The following ROBO2 variants were observed in gnomAD, a reference collection of about 807,000 sequenced individuals.
ROBO2 encodes roundabout guidance receptor 2, also known as roundabout homolog 2.
A neutral mutation model predicts 160.8 loss-of-function variants in ROBO2; 53 were observed. That is an observed-to-expected ratio of 0.33 (90% confidence interval 0.26 to 0.41). ROBO2 has a LOEUF of 0.41. Among genes scored for constraint, ROBO2 ranks in the 10% least tolerant of loss-of-function variants. The pLI, the probability that ROBO2 is intolerant of heterozygous loss-of-function variation, is 1.00. For missense variants in ROBO2, 1,577 were observed against 1,722.4 expected, an observed-to-expected ratio of 0.92 and a Z score of 1.49; for synonymous variants, 664 against 611.7, an observed-to-expected ratio of 1.09 and a Z score of -1.26.
chr3:77,473,866 A>C (rs2153582250), intron 2 of ROBO2, among the ~76,000 whole-genome samples: 1 of 152,218 alleles, frequency 6.6e-6, no homozygotes, highest in Admixed American at 6.5e-5. Context: ...TAGCTCCTAT[A>C]GCAGCACTTG....
intron 2 of ROBO2, among the ~76,000 whole-genome samples, chr3:76,888,451 A>G (rs566975272): frequency 9.2e-5 from 14 of 152,124 alleles, no homozygotes; most frequent in African/African-American, 2.9e-4. Flanking sequence ...TATTTTTCCA[A>G]CTTGCTTACT....
chr3:77,108,233 T>A (rs1272142838), intron 2 of ROBO2, among the ~76,000 whole-genome samples: 1 of 150,120 alleles, frequency 6.7e-6, no homozygotes, highest in Non-Finnish European at 1.5e-5. Context: ...CATATGCATA[T>A]ATATGTATAC....
chr3:77,534,992 C>T (rs1353188050), intron 6 of ROBO2, among the ~76,000 whole-genome samples: 1 of 152,124 alleles, frequency 6.6e-6, no homozygotes, highest in Non-Finnish European at 1.5e-5. Context: ...GATTAAGCAA[C>T]ATTAATGGTA....
intron 1 of ROBO2, among the ~76,000 whole-genome samples, chr3:77,069,385 C>T (rs2067179028): frequency 6.6e-6 from 1 of 152,092 alleles, no homozygotes; most frequent in African/African-American, 2.4e-5. Context: ...TCTTCATAAT[C>T]ATGTGGGAGA....
In ROBO2 at chr3:77,444,197, G is replaced by A. The variant is rs184687110; in HGVS notation, c.389-33217G>A. On this transcript the variant is annotated intron_variant, in intron 2 of 25. Coordinates refer to ENST00000461745, the Ensembl canonical transcript of ROBO2. ...ATTAAGATTTTCTCTTACTAAACAT[G>A]TATTTGCATAAATAAATGTAGGTTC... Among the ~76,000 whole-genome samples, 488 of 152,168 alleles carry A rather than the reference G, an allele frequency of 3.2e-3. 5 individuals are homozygous for A. Among genetic ancestry groups the A allele is most frequent in the African/African-American group, 0.011 (464 of 41,514 alleles).
At chr3:77,572,625 C>G (rs536128835) in intron 13 of ROBO2, among the ~76,000 whole-genome samples, 1 of 127,212 alleles carries the variant, frequency 7.9e-6, no homozygotes, top group Non-Finnish European at 1.6e-5. Context: ...CTGGAATTAG[C>G]CGTACATAGA....
intron 2 of ROBO2, among the ~76,000 whole-genome samples, chr3:76,304,798 C>CTTTCTTTCTTTCTT (rs1177082404): frequency 1.6e-4 from 14 of 85,592 alleles, no homozygotes; most frequent in African/African-American, 6.3e-4. Context: ...TTCTTTCTTT[C>CTTTCTTTCTTTCTT]TCTTTCTTTT....
intron 2 of ROBO2, among the ~76,000 whole-genome samples, chr3:76,498,673 A>G (rs2080291196): frequency 6.9e-6 from 1 of 145,214 alleles, no homozygotes; most frequent in African/African-American, 2.5e-5. Context: ...GCTTCTTCTT[A>G]GTTTGTCTGC....
intron 2 of ROBO2, among the ~76,000 whole-genome samples, chr3:76,926,526 G>A (rs905413827): frequency 1.3e-5 from 2 of 152,194 alleles, no homozygotes; most frequent in South Asian, 2.1e-4. Flanking sequence ...CTGTGGCCTC[G>A]CTGTACGTTT....
At chr3:76,721,464 A>G (rs2093466056) in intron 2 of ROBO2, among the ~76,000 whole-genome samples, 1 of 152,200 alleles carries the variant, frequency 6.6e-6, no homozygotes, top group South Asian at 2.1e-4. Flanking sequence ...AATAGTTTTC[A>G]GTTTATTAAG....
intron 2 of ROBO2, among the ~76,000 whole-genome samples, chr3:76,402,577 C>G (rs557584782): frequency 6.6e-6 from 1 of 151,466 alleles, no homozygotes; most frequent in Admixed American, 6.6e-5. Context: ...CAGTAGGTTG[C>G]ATTATTTTCT....
intron 2 of ROBO2, among the ~76,000 whole-genome samples, chr3:76,931,632 C>G (rs1028052197): frequency 1.3e-5 from 2 of 151,638 alleles, no homozygotes; most frequent in Admixed American, 6.6e-5. Context: ...ATCAGCAATA[C>G]TTTTAAGTAT....
At chr3:75,973,798 C>T (rs1459756123) in intron 2 of ROBO2, among the ~76,000 whole-genome samples, 3 of 150,922 alleles carry the variant, frequency 2.0e-5, no homozygotes, top group Non-Finnish European at 4.4e-5. Context: ...GAGTGGCTTC[C>T]GAGTCATCAA....
At chr3:75,998,061 T>C (rs993788729) in intron 2 of ROBO2, among the ~76,000 whole-genome samples, 1 of 152,214 alleles carries the variant, frequency 6.6e-6, no homozygotes, top group African/African-American at 2.4e-5. Flanking sequence ...TCTAAACTAA[T>C]TCTTTAGATT....
intron 2 of ROBO2, among the ~76,000 whole-genome samples, chr3:76,201,838 G>C (rs548582717): frequency 1.1e-3 from 155 of 144,398 alleles, no homozygotes; most frequent in Non-Finnish European, 2.0e-3. Context: ...TCAATATACT[G>C]TGCACAGTGG....
At chr3:77,165,601 A>T (rs1362303885) in intron 2 of ROBO2, among the ~76,000 whole-genome samples, 8 of 152,188 alleles carry the variant, frequency 5.3e-5, no homozygotes, top group Middle Eastern at 3.2e-3. Flanking sequence ...ATTTGTTGAT[A>T]TATTCATTAG....
chr3:76,958,669 T>C (rs1268316336), intron 2 of ROBO2, among the ~76,000 whole-genome samples: 1 of 152,214 alleles, frequency 6.6e-6, no homozygotes, highest in Non-Finnish European at 1.5e-5. Flanking sequence ...GTGAGAATGA[T>C]TTTTAAAGCT....
intron 1 of ROBO2, among the ~76,000 whole-genome samples, chr3:75,910,412 T>G (rs1946524312): frequency 6.6e-6 from 1 of 152,228 alleles, no homozygotes; most frequent in Non-Finnish European, 1.5e-5. Flanking sequence ...GAATTAATTT[T>G]TGAACATCCT....
intron 2 of ROBO2, among the ~76,000 whole-genome samples, chr3:75,992,889 C>T (rs962554956): frequency 1.3e-5 from 2 of 152,216 alleles, no homozygotes; most frequent in African/African-American, 4.8e-5. Flanking sequence ...GTTTTAACTG[C>T]CCTGCTGGAT....
Sources: allele counts gnomAD v4.1 joint callset (sites outside exome capture counted in the v4.1 genomes callset), GRCh38; gene constraint gnomAD v4.1.1; transcripts MANE v1.5; gene names NCBI Gene and HGNC (gene_info 2026-07-23, HGNC 2026-07-21).